EML2: variants seen among roughly 807,000 people sequenced by gnomAD.
EML2 encodes echinoderm microtubule-associated protein-like 2.
EML2 carries 59 observed loss-of-function variants against 84.7 expected under a neutral mutation model. That is an observed-to-expected ratio of 0.70 (90% CI 0.56 to 0.86). The LOEUF is 0.86. Among genes scored for constraint, EML2 ranks in the 40% least tolerant of loss-of-function variants. The pLI is 0.00. For missense variants in EML2, 818 were observed against 855.6 expected (o/e 0.96, Z 0.55); for synonymous variants, 352 against 348.9 (o/e 1.01, Z -0.10).
chr19:45,613,316 T>C (rs530838013), intron 18 of EML2, among the ~76,000 whole-genome samples: 6 of 152,286 alleles, frequency 3.9e-5, no homozygotes, highest in African/African-American at 9.6e-5. Flanking sequence ...GAGCTCAGAA[T>C]TGCAGTTGCT....
At chr19:45,635,442 G>A (rs1251065349) in intron 3 of EML2, among the ~76,000 whole-genome samples, 1 of 151,934 alleles carries the variant, frequency 6.6e-6, no homozygotes, top group Non-Finnish European at 1.5e-5. Context: ...GCCCAGCCGA[G>A]GAATGTATTT....
At chr19:45,614,091 C>T (rs1374766736) in intron 17 of EML2, among the ~76,000 whole-genome samples, 1 of 152,222 alleles carries the variant, frequency 6.6e-6, no homozygotes, top group African/African-American at 2.4e-5. Flanking sequence ...AAAGTAACTC[C>T]TCATCCTCCA....
upstream of EML2, chr19:45,645,174 A>C: frequency 7.6e-7 from 1 of 1,323,576 alleles, no homozygotes; most frequent in Non-Finnish European, 1.0e-6. Flanking sequence ...GATCTTCAGC[A>C]AGGGAGGGGG....
intron 6 of EML2, among the ~76,000 whole-genome samples, chr19:45,630,273 G>A (rs1218802730): frequency 1.3e-5 from 2 of 151,992 alleles, no homozygotes; most frequent in Admixed American, 6.6e-5. Flanking sequence ...AAAATAAAAA[G>A]CCAGGCGTGG....
At chr19:45,633,242 A>G in intron 4 of EML2, 103 bp from the exon 5 acceptor site, 2 of 1,139,208 alleles carry the variant, frequency 1.8e-6, no homozygotes, top group South Asian at 2.6e-5. Flanking sequence ...AGTTTAGTCA[A>G]TAAACGTGTA....
chr19:45,627,176 C>T (rs1972457348), intron 7 of EML2, among the ~76,000 whole-genome samples: 1 of 151,698 alleles, frequency 6.6e-6, no homozygotes, highest in African/African-American at 2.4e-5. Context: ...CCCGGCTGGT[C>T]TCGAACTCTT....
rs1971012805 is a variant in EML2, at chr19:45,615,992, G to A, written c.1510-103C>T. On this transcript the variant is annotated intron_variant, in intron 15 of 18. Transcript: ENST00000245925. ...AGTGGAAGTCAAATACAGAGGTAGG[G>A]CGAGAACACAAGGGGACTAAAGGAA... The A allele has an allele frequency of 4.7e-6, 4 of 842,222 alleles. No homozygotes were observed. In the Admixed American group the frequency reaches 6.0e-5, roughly 13 times the overall value. The allele number at this position is 842,222 out of a possible 1,614,324, so 52.2% of individuals were successfully genotyped here. A position where few individuals can be genotyped will look rare whatever the true frequency, so the allele number is the denominator to read the frequency against.
intron 8 of EML2, among the ~76,000 whole-genome samples, chr19:45,625,350 C>A (rs1972185078): frequency 6.6e-6 from 1 of 152,224 alleles, no homozygotes; most frequent in Admixed American, 6.5e-5. Flanking sequence ...AAGCGATTCT[C>A]CCGCTGCAGC....
intron 14 of EML2, 76 bp from the exon 15 acceptor site, chr19:45,616,634 C>A: frequency 7.1e-7 from 1 of 1,404,618 alleles, no homozygotes; most frequent in South Asian, 1.2e-5. Context: ...GCCCCCTCAA[C>A]AGTCCCCAGC....
At chr19:45,645,262 A>AG (rs1463885259), upstream of EML2, 6 of 1,532,510 alleles carry the variant, frequency 3.9e-6, no homozygotes, top group African/African-American at 1.4e-5. Context: ...GGAACTGAGG[A>AG]GGGGTCTCAC....
At position 45,616,523 on chromosome 19, in the gene EML2, A is replaced by T. The variant is rs1306493648; in HGVS notation, c.1447T>A (p.Leu483Met). 2 of 1,610,502 alleles carry T rather than the reference A, an allele frequency of 1.2e-6. No homozygotes were observed. Among genetic ancestry groups the T allele is most frequent in the Non-Finnish European group, 1.7e-6 (2 of 1,177,706 alleles). ...AYLAVGSHDN[L>M]VYVYTVDQGG... Reference sequence around the variant, plus strand: ...TGGTCCACCGTGTACACGTACACCAAGTTGTCGTGGGAGCCCACGGCCAGG... The same window carrying T: ...TGGTCCACCGTGTACACGTACACCATGTTGTCGTGGGAGCCCACGGCCAGG... Residue 483 changes from leucine (L) to methionine (M), a missense_variant, in exon 15 of 19, where the codon TTG becomes ATG. Transcript: ENST00000245925.
chr19:45,644,923 T>G, upstream of EML2: 17 of 419,340 alleles, frequency 4.1e-5, no homozygotes, highest in African/African-American at 6.1e-5. Flanking sequence ...GCTATGGAGA[T>G]AGGGGAGCAT....
chr19:45,627,785 G>A (rs1401896044), intron 7 of EML2, among the ~76,000 whole-genome samples: 1 of 152,182 alleles, frequency 6.6e-6, no homozygotes, highest in African/African-American at 2.4e-5. Context: ...GCTCAGGCTG[G>A]GCGTGGTGGT....
At chr19:45,643,454 C>A, upstream of EML2, 1 of 1,270,416 alleles carries the variant, frequency 7.9e-7, no homozygotes, top group Non-Finnish European at 1.1e-6. Flanking sequence ...ATTTGGCTCT[C>A]CAGCCTATGG....
chr19:45,627,617 ATCT>A (rs1272363331), intron 7 of EML2, among the ~76,000 whole-genome samples: 8 of 152,126 alleles, frequency 5.3e-5, no homozygotes, highest in African/African-American at 1.4e-4. Flanking sequence ...AAGCATTATC[ATCT>A]TCTTCATCAT....
chr19:45,609,884 C>CCA, intron 18 of EML2, 96 bp from the exon 19 acceptor site: 1 of 1,377,570 alleles, frequency 7.3e-7, no homozygotes, highest in Non-Finnish European at 9.6e-7. Context: ...TTCTGCTCTT[C>CCA]CTCTTTTTTT....
chr19:45,640,977 C>T (rs1437716329), upstream of EML2: 1 of 152,956 alleles, frequency 6.5e-6, no homozygotes. Flanking sequence ...CCCGCCAACG[C>T]TCCTTCTCCG....
At chr19:45,613,441 G>A (rs1171442094) in intron 18 of EML2, 100 bp downstream of exon 18, 87 of 1,431,882 alleles carry the variant, frequency 6.1e-5, no homozygotes, top group Non-Finnish European at 7.7e-5. Flanking sequence ...TGGGGAAACC[G>A]AGGCTCAGAG....
At chr19:45,641,564 G>T, upstream of EML2, 1 of 1,417,506 alleles carries the variant, frequency 7.1e-7, no homozygotes, top group Non-Finnish European at 9.6e-7. Flanking sequence ...ACGACCTCGT[G>T]GCCTGGGGCA....
Sources: gnomAD v4.1 joint callset for allele counts (sites outside exome capture counted in the v4.1 genomes callset) on GRCh38, gnomAD v4.1.1 for gene constraint, MANE v1.5 for transcripts, NCBI Gene and HGNC (gene_info 2026-07-23, HGNC 2026-07-21) for gene names.